The following ROBO2 variants were observed in gnomAD, a reference collection of about 807,000 sequenced individuals.
The protein encoded by ROBO2 is roundabout homolog 2.
In ROBO2, 53 loss-of-function variants were observed where a neutral mutation model predicts 160.8. The observed-to-expected ratio is 0.33, with a 90% CI of 0.26 to 0.41. The LOEUF (loss-of-function observed/expected upper bound fraction) is 0.41. Among genes scored for constraint, ROBO2 ranks in the 10% least tolerant of loss-of-function variants. The pLI, the probability that ROBO2 is intolerant of heterozygous loss-of-function variation, is 1.00. For synonymous variants in ROBO2, 664 were observed against 611.7 expected (o/e 1.09, Z -1.26); for missense variants, 1,577 against 1,722.4 (o/e 0.92, Z 1.49).
intron 2 of ROBO2, among the ~76,000 whole-genome samples, chr3:76,115,458 G>A (rs1210089989): frequency 1.3e-5 from 2 of 152,014 alleles, no homozygotes; most frequent in Non-Finnish European, 2.9e-5. Context: ...TCAAATCCAG[G>A]CTTTACTGTT....
chr3:77,246,457 G>T (rs2089740915), intron 2 of ROBO2, among the ~76,000 whole-genome samples: 1 of 151,896 alleles, frequency 6.6e-6, no homozygotes, highest in South Asian at 2.1e-4. Context: ...AAATATGTGG[G>T]TTGGATCAAT....
intron 2 of ROBO2, among the ~76,000 whole-genome samples, chr3:76,011,872 A>G (rs959053035): frequency 1.4e-4 from 21 of 152,048 alleles, no homozygotes; most frequent in African/African-American, 5.1e-4. Context: ...GTGCTCCTCA[A>G]TGGAAATTTT....
At chr3:77,383,637 T>C (rs1222799065) in intron 2 of ROBO2, among the ~76,000 whole-genome samples, 5 of 152,108 alleles carry the variant, frequency 3.3e-5, no homozygotes, top group African/African-American at 9.7e-5. Flanking sequence ...TTTGTTTAAG[T>C]CCCTAAAGGT....
chr3:76,782,198 G>A (rs2597267), intron 2 of ROBO2, among the ~76,000 whole-genome samples: 25,390 of 150,510 alleles, frequency 0.17, 2,480 homozygotes, highest in Non-Finnish European at 0.22. Flanking sequence ...TGAATTATCT[G>A]ATTTTCTTCC....
At chr3:76,904,780 A>G (rs920207073) in intron 2 of ROBO2, among the ~76,000 whole-genome samples, 1 of 152,136 alleles carries the variant, frequency 6.6e-6, no homozygotes, top group Admixed American at 6.5e-5. Context: ...CGCAAAGAAC[A>G]TCTTATATTT....
At chr3:76,633,257 A>C (rs2090133381) in intron 2 of ROBO2, among the ~76,000 whole-genome samples, 1 of 152,218 alleles carries the variant, frequency 6.6e-6, no homozygotes, top group Admixed American at 6.5e-5. Flanking sequence ...CAATAAAAAC[A>C]AATATTTTCT....
Position 76,548,393 on chromosome 3 carries a change from G to T in ROBO2, c.110-549621G>T, listed in dbSNP as rs2083230758. 2.6e-5 allele frequency among the ~76,000 whole-genome samples: 4 copies of T among 152,096 alleles called. No individual in the cohort carries two copies. The South Asian group carries it at 8.3e-4, about 31-fold the overall frequency. ...TAGTATAAAACATGAGGCTTGAGTG[G>T]GAGAGATCAGGGGTTGGAATACAGA... is the stretch of plus-strand genomic sequence containing the variant. On this transcript the variant is annotated intron_variant, in intron 2 of 26. Transcript: ENST00000487694.
At chr3:77,343,613 T>C (rs1166746956) in intron 2 of ROBO2, among the ~76,000 whole-genome samples, 3 of 152,272 alleles carry the variant, frequency 2.0e-5, no homozygotes, top group Non-Finnish European at 4.4e-5. Flanking sequence ...CTTTAGGAAC[T>C]CCTAGCTGGC....
chr3:77,572,801 C>T (rs1052676810), intron 13 of ROBO2, among the ~76,000 whole-genome samples: 16 of 151,902 alleles, frequency 1.1e-4, no homozygotes, highest in Admixed American at 4.6e-4. Context: ...TTGTTGCCCC[C>T]AATTAAAAAT....
chr3:76,482,608 G>A (rs1471290187), intron 2 of ROBO2, among the ~76,000 whole-genome samples: 1 of 151,990 alleles, frequency 6.6e-6, no homozygotes, highest in East Asian at 1.9e-4. Context: ...AGAGACGTAG[G>A]TTAAGAAATG....
intron 2 of ROBO2, among the ~76,000 whole-genome samples, chr3:76,381,736 C>A (rs9856499): frequency 0.064 from 9,765 of 152,178 alleles, 879 homozygotes; most frequent in African/African-American, 0.2. Context: ...TAAGTCATTT[C>A]ATTTCACAAC....
chr3:76,977,431 C>T (rs1468220554), intron 2 of ROBO2, among the ~76,000 whole-genome samples: 2 of 152,008 alleles, frequency 1.3e-5, no homozygotes, highest in Admixed American at 6.5e-5. Flanking sequence ...TAGGTTTTTC[C>T]ATTATAGGTA....
At chr3:76,524,877 C>G (rs1055176185) in intron 2 of ROBO2, among the ~76,000 whole-genome samples, 12 of 41,664 alleles carry the variant, frequency 2.9e-4, no homozygotes, top group Non-Finnish European at 5.3e-4. Context: ...TAAGTAAAAT[C>G]AGATACATCA....
chr3:77,121,274 G>A (rs190783191), intron 2 of ROBO2, among the ~76,000 whole-genome samples: 4 of 152,060 alleles, frequency 2.6e-5, no homozygotes, highest in Admixed American at 2.6e-4. Flanking sequence ...CTGAATACAT[G>A]CTCAGGTTTT....
At chr3:77,172,415 A>T (rs111411634) in intron 2 of ROBO2, among the ~76,000 whole-genome samples, 36 of 151,860 alleles carry the variant, frequency 2.4e-4, no homozygotes, top group Non-Finnish European at 2.2e-4. Flanking sequence ...ATTTTTTTTT[A>T]AAAATGTGTT....
intron 2 of ROBO2, among the ~76,000 whole-genome samples, chr3:77,334,472 G>A (rs979524496): frequency 2.6e-5 from 4 of 152,116 alleles, no homozygotes; most frequent in African/African-American, 9.7e-5. Context: ...TTGCTTGTTT[G>A]TTTCGGCCTA....
intron 2 of ROBO2, among the ~76,000 whole-genome samples, chr3:76,468,491 T>G (rs773062737): frequency 4.4e-4 from 67 of 152,086 alleles, no homozygotes; most frequent in Non-Finnish European, 7.9e-4. Context: ...GCCCCTCCCC[T>G]TTATAGCCAC....
At chr3:77,549,711 G>C (rs1359825065) in intron 7 of ROBO2, among the ~76,000 whole-genome samples, 1 of 151,984 alleles carries the variant, frequency 6.6e-6, no homozygotes, top group African/African-American at 2.4e-5. Context: ...TAATTGAAAA[G>C]TGTTAATACC....
At chr3:77,278,950 G>A (rs145032185) in intron 2 of ROBO2, among the ~76,000 whole-genome samples, 3 of 151,994 alleles carry the variant, frequency 2.0e-5, no homozygotes, top group African/African-American at 4.8e-5. Flanking sequence ...TTAGTTAACC[G>A]CTTACTAAAT....
Sources: allele counts gnomAD v4.1 joint callset (sites outside exome capture counted in the v4.1 genomes callset), GRCh38; gene constraint gnomAD v4.1.1; transcripts MANE v1.5; gene names NCBI Gene and HGNC (gene_info 2026-07-23, HGNC 2026-07-21).